RASSF5: variants seen among roughly 807,000 people sequenced by gnomAD.
The protein encoded by RASSF5 is ras association domain-containing protein 5.
A neutral mutation model predicts 40.5 loss-of-function variants in RASSF5; 25 were observed. The ratio of observed to expected loss-of-function variants is 0.62; its 90% CI spans 0.45 to 0.86. The LOEUF (loss-of-function observed/expected upper bound fraction) is 0.86. Ranked by LOEUF, RASSF5 falls within the 40% of genes least tolerant of loss-of-function variation. The probability of loss-of-function intolerance (pLI) is 0.00; values close to 1 mark genes in which losing one functional copy is unlikely to be tolerated. For missense variants in RASSF5, 521 were observed against 572.8 expected, an observed-to-expected ratio of 0.91 and a Z score of 0.92; for synonymous variants, 246 against 252.4, an observed-to-expected ratio of 0.97 and a Z score of 0.24.
intron 1 of RASSF5, among the ~76,000 whole-genome samples, chr1:206,523,178 C>T (rs967139764): frequency 1.1e-4 from 17 of 150,804 alleles, no homozygotes; most frequent in African/African-American, 3.9e-4. Context: ...GTGGCGGGCA[C>T]CTGTAGTCCC....
In RASSF5 at chr1:206,587,143, G is replaced by A. The variant is rs888683286; in HGVS notation, c.*165G>A. ...CTCTTCCATGGACAAGTGTTTGCACGAGGGTTCAGCTGTGCCCGCCCCCAG... is the reference window on the plus strand; with the variant it reads ...CTCTTCCATGGACAAGTGTTTGCACAAGGGTTCAGCTGTGCCCGCCCCCAG... On this transcript the variant is annotated 3_prime_UTR_variant, in exon 6 of 6. Coordinates refer to ENST00000579436, the MANE Select transcript of RASSF5 (RefSeq NM_182663.4). The A allele has an allele frequency of 1.1e-5, 9 of 845,938 alleles. No individual in the cohort carries two copies. Among genetic ancestry groups the A allele is most frequent in the Admixed American group, 2.1e-5 (1 of 47,678 alleles). The allele number at this position is 845,938 out of a possible 1,614,324, so 52.4% of individuals were successfully genotyped here.
intron 1 of RASSF5, among the ~76,000 whole-genome samples, chr1:206,536,096 C>T (rs1356121416): frequency 6.6e-6 from 1 of 152,134 alleles, no homozygotes; most frequent in African/African-American, 2.4e-5. Flanking sequence ...TTTCTGGGCA[C>T]TGCGGGCAGA....
intron 1 of RASSF5, among the ~76,000 whole-genome samples, chr1:206,520,339 G>T (rs1394581316): frequency 1.3e-5 from 2 of 152,198 alleles, no homozygotes; most frequent in Non-Finnish European, 2.9e-5. Flanking sequence ...GGGCGCGGTG[G>T]CTCACGCCTG....
At chr1:206,526,697 G>A (rs1667105486) in intron 1 of RASSF5, among the ~76,000 whole-genome samples, 1 of 152,160 alleles carries the variant, frequency 6.6e-6, no homozygotes, top group East Asian at 1.9e-4. Context: ...ACCCATTAAA[G>A]GCAGAAGTTG....
chr1:206,527,157 C>T (rs1667117517), intron 1 of RASSF5, among the ~76,000 whole-genome samples: 1 of 152,120 alleles, frequency 6.6e-6, no homozygotes, highest in South Asian at 2.1e-4. Context: ...TTGAGTGTTC[C>T]ATCTTTTCCA....
At chr1:206,550,207 A>G (rs1434588896) in intron 2 of RASSF5, among the ~76,000 whole-genome samples, 1 of 152,148 alleles carries the variant, frequency 6.6e-6, no homozygotes, top group Non-Finnish European at 1.5e-5. Flanking sequence ...CCAGTATTTT[A>G]AAAACCACTG....
chr1:206,532,008 C>T (rs1421181373), intron 1 of RASSF5, among the ~76,000 whole-genome samples: 1 of 151,830 alleles, frequency 6.6e-6, no homozygotes, highest in South Asian at 2.1e-4. Flanking sequence ...GCCAAGTTCA[C>T]GCCACTGCAC....
intron 2 of RASSF5, among the ~76,000 whole-genome samples, chr1:206,574,086 G>T (rs966945305): frequency 6.6e-6 from 1 of 152,228 alleles, no homozygotes; most frequent in African/African-American, 2.4e-5. Flanking sequence ...CTCTGCAGGG[G>T]CTTGAACTTA....
At chr1:206,578,232 AAGT>A (rs199572241) in intron 2 of RASSF5, among the ~76,000 whole-genome samples, 27,591 of 130,070 alleles carry the variant, frequency 0.21, 2,539 homozygotes, top group South Asian at 0.26. Context: ...CAAAAAAAAA[AAGT>A]GTGTGTGTGT....
At chr1:206,530,053 C>T (rs982759659) in intron 1 of RASSF5, among the ~76,000 whole-genome samples, 1 of 152,172 alleles carries the variant, frequency 6.6e-6, no homozygotes, top group Non-Finnish European at 1.5e-5. Context: ...TACCTGATGT[C>T]ATCACAGTGT....
Position 206,535,715 on chromosome 1 carries a change from G to GGTGTGT in RASSF5, c.458-2433_458-2428dup, listed in dbSNP as rs782619931. 3.0e-4 allele frequency among the ~76,000 whole-genome samples: 43 copies of GGTGTGT among 145,114 alleles called. No homozygotes were observed. Among genetic ancestry groups the GGTGTGT allele is most frequent in the African/African-American group, 1.0e-3 (40 of 39,052 alleles). ...TGTGTGTGTGTGTCTGTGTGTGTGT[G>GGTGTGT]GTGTGTGTGTGTGTGTGTGTGTGTG... On this transcript the variant is annotated intron_variant, in intron 1 of 5. Coordinates refer to ENST00000579436, the MANE Select transcript of RASSF5 (RefSeq NM_182663.4). The surrounding 1 kb of genome is among the most constrained non-coding windows in gnomAD (Gnocchi z 5.0).
chr1:206,517,472 AAAAAAAAAG>A (rs1666780133), intron 1 of RASSF5, among the ~76,000 whole-genome samples: 1 of 151,288 alleles, frequency 6.6e-6, no homozygotes, highest in Non-Finnish European at 1.5e-5. Context: ...ATCCTGTCTC[AAAAAAAAAG>A]AAAAAAGAAC....
In RASSF5 at chr1:206,538,685, C is replaced by T. The variant is rs536091294; in HGVS notation, c.579+392C>T. Among the ~76,000 whole-genome samples the T allele has an allele frequency of 1.2e-4, 18 of 152,314 alleles. No homozygotes were observed. In the East Asian group the frequency reaches 2.5e-3, roughly 21 times the overall value. ...ACATTGTCCAGCCAGGCCAGCCCAA[C>T]CTTCAGAGAGGCTGGGCAAATGTTC... is the stretch of plus-strand genomic sequence containing the variant. On this transcript the variant is annotated intron_variant, in intron 2 of 5. Coordinates refer to ENST00000579436, the MANE Select transcript of RASSF5 (RefSeq NM_182663.4).
chr1:206,535,808 G>A lies in RASSF5; in HGVS notation c.458-2364G>A, dbSNP rs943693533. On this transcript the variant is annotated intron_variant, in intron 1 of 5. Coordinates refer to ENST00000579436, the MANE Select transcript of RASSF5 (RefSeq NM_182663.4). The surrounding 1 kb of genome is among the most constrained non-coding windows in gnomAD (Gnocchi z 5.0). Reference sequence around the variant, plus strand: ...GCACAGGTGGACATAGACTGCCTGTGCCAACAGGACAAGGAGCTAAAAGAG... The same window carrying A: ...GCACAGGTGGACATAGACTGCCTGTACCAACAGGACAAGGAGCTAAAAGAG... Among the ~76,000 whole-genome samples the A allele has an allele frequency of 1.2e-4, 18 of 151,848 alleles. No homozygotes were observed. The highest frequency in any genetic ancestry group is 1.2e-3 in the Admixed American group (18 of 15,236).
intron 1 of RASSF5, among the ~76,000 whole-genome samples, chr1:206,524,971 G>A (rs953024673): frequency 6.6e-6 from 1 of 151,904 alleles, no homozygotes; most frequent in Admixed American, 6.6e-5. Context: ...TGGAGAAGGT[G>A]CCAGGGGTCA....
At chr1:206,540,568 C>T (rs1454640393) in intron 2 of RASSF5, among the ~76,000 whole-genome samples, 1 of 152,266 alleles carries the variant, frequency 6.6e-6, no homozygotes, top group African/African-American at 2.4e-5. Context: ...GCTGTATTTG[C>T]CTTGGACAGG....
At chr1:206,556,884 C>G (rs1668004063) in intron 2 of RASSF5, among the ~76,000 whole-genome samples, 1 of 151,956 alleles carries the variant, frequency 6.6e-6, no homozygotes, top group African/African-American at 2.4e-5. Flanking sequence ...GATGGTGTTG[C>G]CCTTATAGCT....
intron 2 of RASSF5, among the ~76,000 whole-genome samples, chr1:206,566,846 C>G (rs1553403468): frequency 6.6e-6 from 1 of 152,110 alleles, no homozygotes; most frequent in African/African-American, 2.4e-5. Flanking sequence ...TTTTCTGGAC[C>G]AGGGACCATA....
At chr1:206,540,081 G>A (rs1386679945) in intron 2 of RASSF5, among the ~76,000 whole-genome samples, 2 of 152,170 alleles carry the variant, frequency 1.3e-5, no homozygotes, top group Non-Finnish European at 2.9e-5. Context: ...ATTTTTGGTT[G>A]TCACAACTTA....
Sources: allele counts gnomAD v4.1 joint callset (sites outside exome capture counted in the v4.1 genomes callset), GRCh38; gene constraint gnomAD v4.1.1; non-coding constraint Gnocchi (gnomAD v3.1); transcripts MANE v1.5; gene names NCBI Gene and HGNC (gene_info 2026-07-23, HGNC 2026-07-21).